Variants in CSRNP3 observed in about 807,000 individuals in gnomAD.
The protein encoded by CSRNP3 is cysteine/serine-rich nuclear protein 3.
Under a neutral mutation model 48.0 loss-of-function variants are expected in CSRNP3, and 12 were observed. That is an observed-to-expected ratio of 0.25 (90% confidence interval 0.16 to 0.41). The LOEUF is 0.41. Ranked by LOEUF, CSRNP3 falls within the 10% of genes least tolerant of loss-of-function variation. The probability of loss-of-function intolerance (pLI) is 1.00; values close to 1 mark genes in which losing one functional copy is unlikely to be tolerated. For synonymous variants in CSRNP3, 263 were observed against 269.7 expected (o/e 0.98, Z 0.24); for missense variants, 580 against 724.4 (o/e 0.80, Z 2.29).
chr2:165,678,867 G>A lies in CSRNP3; in HGVS notation c.872G>A (p.Cys291Tyr). The A allele has an allele frequency of 1.9e-6, 3 of 1,614,056 alleles. No homozygotes were observed. Among genetic ancestry groups the A allele is most frequent in the Admixed American group, 1.7e-5 (1 of 59,998 alleles). ...REQQIPTLNG[C>Y]HSEISAHSSS... ...CAGCAAATCCCCACGCTGAATGGCT[G>A]CCACAGTGAGATAAGTGCTCACAGT... The change falls in exon 7 of 7, where the codon TGC becomes TAC. Residue 291 changes from cysteine (C) to tyrosine (Y), a missense_variant. Coordinates refer to ENST00000651982, the MANE Select transcript of CSRNP3 (RefSeq NM_001172173.2).
intron 2 of CSRNP3, among the ~76,000 whole-genome samples, chr2:165,500,619 G>A (rs1351634765): frequency 1.3e-5 from 2 of 151,636 alleles, no homozygotes; most frequent in African/African-American, 4.8e-5. Context: ...CACTACGCCC[G>A]GCTAATTTTT....
chr2:165,526,008 C>T (rs1273702443), intron 3 of CSRNP3, among the ~76,000 whole-genome samples: 1 of 152,090 alleles, frequency 6.6e-6, no homozygotes, highest in Non-Finnish European at 1.5e-5. Flanking sequence ...ATTTTTTATC[C>T]ACTAAATTGA....
intron 1 of CSRNP3, among the ~76,000 whole-genome samples, chr2:165,489,099 A>G (rs1448608551): frequency 1.3e-5 from 2 of 149,554 alleles, no homozygotes; most frequent in Admixed American, 6.6e-5. Context: ...ACACAATAAA[A>G]AATGATAAAG....
intron 3 of CSRNP3, among the ~76,000 whole-genome samples, chr2:165,574,996 C>T (rs1033519667): frequency 1.2e-4 from 18 of 152,102 alleles, no homozygotes; most frequent in African/African-American, 4.1e-4. Flanking sequence ...GGGCTAGATC[C>T]TTTAAACCTT....
chr2:165,612,769 A>G (rs919059550), intron 4 of CSRNP3, among the ~76,000 whole-genome samples: 1 of 152,008 alleles, frequency 6.6e-6, no homozygotes, highest in Non-Finnish European at 1.5e-5. Flanking sequence ...TTATTATTTC[A>G]TGGGTGAAAA....
At chr2:165,566,429 G>A (rs567025393) in intron 3 of CSRNP3, among the ~76,000 whole-genome samples, 1 of 151,436 alleles carries the variant, frequency 6.6e-6, no homozygotes, top group East Asian at 1.9e-4. Flanking sequence ...GAGCCATAAT[G>A]GGTTAAAACC....
intron 1 of CSRNP3, among the ~76,000 whole-genome samples, chr2:165,484,959 G>A (rs1283468626): frequency 6.6e-6 from 1 of 151,892 alleles, no homozygotes; most frequent in African/African-American, 2.4e-5. Flanking sequence ...CCTAAGCTTT[G>A]TTTAAAATTA....
chr2:165,481,853 C>T (rs1238961117), intron 1 of CSRNP3, among the ~76,000 whole-genome samples: 1 of 152,108 alleles, frequency 6.6e-6, no homozygotes, highest in Non-Finnish European at 1.5e-5. Flanking sequence ...ACCGCATGTT[C>T]TCACTTTTAA....
chr2:165,588,058 G>C (rs1292380009), intron 3 of CSRNP3, among the ~76,000 whole-genome samples: 1 of 151,998 alleles, frequency 6.6e-6, no homozygotes, highest in East Asian at 1.9e-4. Context: ...TTTTTTATCA[G>C]GAGATGAAAA....
rs751702835 is a variant in CSRNP3, at chr2:165,565,458, G to A, written c.-23-29585G>A. Among the ~76,000 whole-genome samples, 4 of 152,138 alleles carry A rather than the reference G, an allele frequency of 2.6e-5. 1 individual carries two copies. The highest frequency in any genetic ancestry group is 1.9e-4 in the East Asian group (1 of 5,182). ...ACTACCTTCTAATATGAAGGAACAC[G>A]TGTACTATAACAACATGTGTATATA... On this transcript the variant is annotated intron_variant, in intron 3 of 6. Transcript: ENST00000651982.
chr2:165,520,783 TTATA>T (rs869287628), intron 3 of CSRNP3, among the ~76,000 whole-genome samples: 7,316 of 29,002 alleles, frequency 0.25, 356 homozygotes, highest in Middle Eastern at 0.32. Context: ...TATATATATA[TTATA>T]TATATATATA....
intron 5 of CSRNP3, among the ~76,000 whole-genome samples, chr2:165,669,169 C>T (rs1687286816): frequency 6.6e-6 from 1 of 152,186 alleles, no homozygotes; most frequent in Non-Finnish European, 1.5e-5. Flanking sequence ...TAGTTTTTCA[C>T]ATTCTTGTTT....
In CSRNP3 at chr2:165,606,366, C is replaced by CAAA. The variant is rs1229143916; in HGVS notation, c.148+11170_148+11172dup. 1.3e-3 allele frequency among the ~76,000 whole-genome samples: 82 copies of CAAA among 63,060 alleles called. 1 individual carries two copies. The highest frequency in any genetic ancestry group is 3.8e-3 in the African/African-American group (79 of 20,826). 41.4% of individuals were successfully genotyped at this position (63,060 alleles called of 152,430 possible). A position where few individuals can be genotyped will look rare whatever the true frequency, so the allele number is the denominator to read the frequency against. Reference sequence around the variant, plus strand: ...CAAAAATAAGGAAGAGCTAATGCAGCAAAAAAAAAAAAAAAAAAAGTAGAC... The same window carrying CAAA: ...CAAAAATAAGGAAGAGCTAATGCAGCAAAAAAAAAAAAAAAAAAAAAAGTAGAC... On this transcript the variant is annotated intron_variant, in intron 4 of 6. Transcript: ENST00000651982.
intron 3 of CSRNP3, among the ~76,000 whole-genome samples, chr2:165,545,722 A>G (rs1286296276): frequency 6.6e-6 from 1 of 152,144 alleles, no homozygotes; most frequent in Admixed American, 6.6e-5. Flanking sequence ...AATATTTGCT[A>G]ACCGATTTGG....
At chr2:165,556,858 A>T (rs984562042) in intron 3 of CSRNP3, among the ~76,000 whole-genome samples, 4 of 152,182 alleles carry the variant, frequency 2.6e-5, no homozygotes, top group Non-Finnish European at 5.9e-5. Flanking sequence ...AGAGGGTGTG[A>T]TCTGAACTAA....
chr2:165,541,222 A>ATT (rs35223566), intron 3 of CSRNP3, among the ~76,000 whole-genome samples: 27 of 145,212 alleles, frequency 1.9e-4, no homozygotes, highest in East Asian at 1.0e-3. Flanking sequence ...CACCAAATGC[A>ATT]TTTTTTTTTT....
chr2:165,491,926 T>A (rs943001839), intron 1 of CSRNP3, among the ~76,000 whole-genome samples: 3 of 139,886 alleles, frequency 2.1e-5, no homozygotes, highest in Non-Finnish European at 4.6e-5. Flanking sequence ...AATGTACACA[T>A]GTACCCTAAA....
chr2:165,531,079 T>C (rs1185899054), intron 3 of CSRNP3, among the ~76,000 whole-genome samples: 1 of 152,136 alleles, frequency 6.6e-6, no homozygotes, highest in Non-Finnish European at 1.5e-5. Flanking sequence ...AAGATAATAT[T>C]GGTACTCAGT....
At position 165,661,715 on chromosome 2, in the gene CSRNP3, T is replaced by C. The variant is rs189554069; in HGVS notation, c.408+3695T>C. On this transcript the variant is annotated intron_variant, in intron 5 of 6. Coordinates refer to ENST00000651982, the MANE Select transcript of CSRNP3 (RefSeq NM_001172173.2). ...GCATTCCAGAAAGAAAAGTAAGGATTGTTAAAGACAAACTTTGCTCACTGT... is the reference window on the plus strand; with the variant it reads ...GCATTCCAGAAAGAAAAGTAAGGATCGTTAAAGACAAACTTTGCTCACTGT... Among the ~76,000 whole-genome samples, 16 of 152,258 alleles carry C rather than the reference T, an allele frequency of 1.1e-4. No individual in the cohort carries two copies. In the East Asian group the frequency reaches 2.7e-3, roughly 26 times the overall value.
Sources: gnomAD v4.1 joint callset for allele counts (sites outside exome capture counted in the v4.1 genomes callset) on GRCh38, gnomAD v4.1.1 for gene constraint, MANE v1.5 for transcripts, NCBI Gene and HGNC (gene_info 2026-07-23, HGNC 2026-07-21) for gene names.